IFNL3: variants seen among roughly 807,000 people sequenced by gnomAD.
The protein encoded by IFNL3 is interferon lambda-3.
Under a neutral mutation model 16.3 loss-of-function variants are expected in IFNL3, and 16 were observed. The ratio of observed to expected loss-of-function variants is 0.98; its 90% CI spans 0.67 to 1.50. IFNL3 has a LOEUF of 1.50. Ranked by LOEUF, IFNL3 falls within the 40% of genes most tolerant of loss-of-function variation. IFNL3 has a pLI of 0.00. For missense variants in IFNL3, 254 were observed against 253.5 expected (o/e 1.00, Z -0.01); for synonymous variants, 115 against 115.3 (o/e 1.00, Z 0.02).
In IFNL3 at chr19:39,244,877, G is replaced by C; in HGVS notation, c.91C>G (p.Leu31Val). ...ATGTGGCAGCCCCTTGCATCCGGGA[G>C]AGCCCCGCGGAGCCTGGCGACAGGA... The part of the protein sequence containing the change: ...AVPVARLRGA[L>V]PDARGCHIAQ... The change falls in exon 1 of 5, where the codon CTC becomes GTC. Residue 31 changes from leucine to valine, a missense_variant. Leu to Val is a conservative substitution (Grantham distance 32). Coordinates refer to ENST00000413851, the MANE Select transcript of IFNL3 (RefSeq NM_172139.4). 3.7e-6 allele frequency: 6 copies of C among 1,613,990 alleles called. No homozygotes were observed. Among genetic ancestry groups the C allele is most frequent in the Non-Finnish European group, 5.1e-6 (6 of 1,179,864 alleles).
Position 39,244,819 on chromosome 19 carries a change from A to G in IFNL3, c.149T>C (p.Leu50Pro). 1 of 1,613,850 alleles carries G rather than the reference A, an allele frequency of 6.2e-7. No individual in the cohort carries two copies. Among genetic ancestry groups the G allele is most frequent in the Non-Finnish European group, 8.5e-7 (1 of 1,179,804 alleles). ...ATCTTTGGCCCTCTTAAAGGCCTGC[A>G]GCTCCTGTGGAGACAGGGACTTGAA... The part of the protein sequence containing the change: ...AQFKSLSPQE[L>P]QAFKRAKDAL... Residue 50 changes from leucine to proline, a missense_variant, in exon 1 of 5, where the codon CTG becomes CCG. Physicochemically the swap from Leu to Pro is moderately conservative, Grantham distance 98 (BLOSUM62 -3). Coordinates refer to ENST00000413851, the MANE Select transcript of IFNL3 (RefSeq NM_172139.4).
upstream of IFNL3, chr19:39,245,084 T>C: frequency 1.9e-6 from 3 of 1,606,338 alleles, no homozygotes; most frequent in Non-Finnish European, 2.6e-6. Flanking sequence ...TCATTCCTGA[T>C]CTCTGGTCTT....
intron 2 of IFNL3, 61 bp from the exon 3 acceptor site, chr19:39,244,218 A>G (rs1600453033): frequency 8.1e-6 from 13 of 1,596,844 alleles, no homozygotes; most frequent in Non-Finnish European, 1.1e-5. Flanking sequence ...TTGGGGGAGG[A>G]GGATAGAGAG....
At chr19:39,244,312 G>T (rs1181872016) in intron 2 of IFNL3, 105 bp downstream of exon 2, 17 of 1,483,158 alleles carry the variant, frequency 1.1e-5, no homozygotes, top group African/African-American at 1.4e-5. Context: ...AGCAGGTGTG[G>T]GGAGAGGAGA....
In IFNL3 at chr19:39,244,138, G is replaced by A. The variant is rs1220842899; in HGVS notation, c.278C>T (p.Ala93Val). 2 of 1,614,100 alleles carry A rather than the reference G, an allele frequency of 1.2e-6. No homozygotes were observed. Among genetic ancestry groups the A allele is most frequent in the African/African-American group, 2.7e-5 (2 of 74,930 alleles). The change falls in exon 3 of 5, where the codon GCT (alanine) becomes GTT (valine). Residue 93 changes from alanine (A) to valine (V), a missense_variant. Ala to Val is a moderately conservative substitution (Grantham distance 64). Coordinates refer to ENST00000413851, the MANE Select transcript of IFNL3 (RefSeq NM_172139.4). ...RQLQVRERPV[A>V]LEAELALTLK... ...CGTCAGGGCCAGCTCAGCCTCCAAA[G>A]CCACGGGGCGCTCCCTCACCTGAGG... is the stretch of plus-strand genomic sequence containing the variant.
In IFNL3 at chr19:39,244,960, C is replaced by T. The variant is rs1426813861; in HGVS notation, c.8G>A (p.Gly3Glu). The change falls in exon 1 of 5, where the codon GGG becomes GAG. Residue 3 changes from glycine to glutamate, a missense_variant. By Grantham distance (98) the Gly-to-Glu change is moderately conservative. Transcript: ENST00000413851. ...CAGCACCAGCACTGGCATGCAGTCC[C>T]CGGTCATGTCTGTGTCACAGAGAGA... MT[G>E]DCMPVLVLMA... 1 of 1,613,846 alleles carries T rather than the reference C, an allele frequency of 6.2e-7. No homozygotes were observed. The highest frequency in any genetic ancestry group is 8.5e-7 in the Non-Finnish European group (1 of 1,179,868).
Position 39,243,571 on chromosome 19 carries a change from T to C in IFNL3, c.*61A>G. On this transcript the variant is annotated 3_prime_UTR_variant, in exon 5 of 5. Transcript: ENST00000413851. ...TACATAAATAGCGACTGGGTGACAA[T>C]AAATTAAGCCAAGTGGCTAATTTAT... The C allele has an allele frequency of 7.2e-6, 11 of 1,521,958 alleles. No homozygotes were observed. The highest frequency in any genetic ancestry group is 9.8e-6 in the Non-Finnish European group (11 of 1,121,434). 94.3% of individuals were successfully genotyped at this position (1,521,958 alleles called of 1,614,324 possible). A position where few individuals can be genotyped will look rare whatever the true frequency, so the allele number is the denominator to read the frequency against.
chr19:39,244,114 G>C lies in IFNL3; in HGVS notation c.302C>G (p.Thr101Arg). The C allele has an allele frequency of 6.2e-7, 1 of 1,614,190 alleles. No individual in the cohort carries two copies. Among genetic ancestry groups the C allele is most frequent in the East Asian group, 2.2e-5 (1 of 44,872 alleles). Residue 101 changes from threonine (T) to arginine (R), a missense_variant, in exon 3 of 5, where the codon ACG becomes AGG. Physicochemically the swap from Thr to Arg is moderately conservative, Grantham distance 71. Transcript: ENST00000413851. ...PVALEAELAL[T>R]LKVLEATADT... ...AGCGGTGGCCTCCAGAACCTTCAGC[G>C]TCAGGGCCAGCTCAGCCTCCAAAGC... is the stretch of plus-strand genomic sequence containing the variant.
Position 39,244,461 on chromosome 19 carries a change from G to C in IFNL3, c.214C>G (p.Arg72Gly). The change falls in exon 2 of 5, where the codon CGC (arginine) becomes GGC (glycine). Residue 72 changes from arginine (R) to glycine (G), a missense_variant. Transcript: ENST00000413851. ...ESLLLKDCKC[R>G]SRLFPRTWDL... ...CAGGTCCTGGGGAAGAGGCGGGAGC[G>C]GCACTTGCAGTCCTTCAGCAGAAGC... is the stretch of plus-strand genomic sequence containing the variant. 6.2e-7 allele frequency: 1 copy of C among 1,610,936 alleles called. No homozygotes were observed. The highest frequency in any genetic ancestry group is 1.7e-5 in the Admixed American group (1 of 59,454).
In IFNL3 at chr19:39,244,812, G is replaced by A; in HGVS notation, c.156C>T (p.Ala52=). ...FKSLSPQELQ[A]FKRAKDALEE... ...CTAAGGCATCTTTGGCCCTCTTAAAGGCCTGCAGCTCCTGTGGAGACAGGG... is the reference window on the plus strand; with the variant it reads ...CTAAGGCATCTTTGGCCCTCTTAAAAGCCTGCAGCTCCTGTGGAGACAGGG... Residue 52 remains alanine (A), a synonymous_variant, in exon 1 of 5, where the codon GCC becomes GCT. Coordinates refer to ENST00000413851, the MANE Select transcript of IFNL3 (RefSeq NM_172139.4). 6.2e-7 allele frequency: 1 copy of A among 1,613,726 alleles called. No homozygotes were observed. The highest frequency in any genetic ancestry group is 8.5e-7 in the Non-Finnish European group (1 of 1,179,746).
rs2144969495 is a variant in IFNL3, at chr19:39,244,163, G to A, written c.259-6C>T. 6.2e-7 allele frequency: 1 copy of A among 1,614,156 alleles called. No homozygotes were observed. Among genetic ancestry groups the A allele is most frequent in the Non-Finnish European group, 8.5e-7 (1 of 1,180,006 alleles). On this transcript the variant is annotated splice_region_variant and splice_polypyrimidine_tract_variant and intron_variant, in intron 2 of 4. Transcript: ENST00000413851. ...GCCACGGGGCGCTCCCTCACCTGAG[G>A]AGAGGTGAGAAAGAGCAGGTGAGGG...
rs749961151 is a variant in IFNL3 at position 39,244,010 on chromosome 19, A to T, written c.406T>A (p.Cys136Ser). ...GTGCCCGGGCCCTGACGACTCACAC[A>T]GGCCCGGAGCTGGGAGAGGATATGG... is the stretch of plus-strand genomic sequence containing the variant. ...LHHILSQLRA[C>S]IQPQPTAGPR... Residue 136 changes from cysteine to serine, a missense_variant and splice_region_variant, in exon 3 of 5, where the codon TGT becomes AGT. Physicochemically the swap from Cys to Ser is moderately radical, Grantham distance 112. Transcript: ENST00000413851. 8.1e-6 allele frequency: 13 copies of T among 1,613,522 alleles called. No individual in the cohort carries two copies. Among genetic ancestry groups the T allele is most frequent in the Non-Finnish European group, 1.1e-5 (13 of 1,179,560 alleles).
chr19:39,244,536 G>A, intron 1 of IFNL3, 42 bp from the exon 2 acceptor site: 1 of 1,575,776 alleles, frequency 6.3e-7, no homozygotes, highest in Non-Finnish European at 8.7e-7. Context: ...AGGAGGGGTG[G>A]AGGTTAGACC....
At chr19:39,244,672 C>T (rs919731434) in intron 1 of IFNL3, 116 bp downstream of exon 1, 15 of 1,403,308 alleles carry the variant, frequency 1.1e-5, no homozygotes, top group African/African-American at 2.9e-5. Flanking sequence ...TGAGATAGCC[C>T]ACTGCAGGGA....
intron 2 of IFNL3, 47 bp from the exon 3 acceptor site, chr19:39,244,204 C>A: frequency 6.2e-7 from 1 of 1,609,364 alleles, no homozygotes; most frequent in Non-Finnish European, 8.5e-7. Context: ...GTGAGGGGAA[C>A]AGGTTGGGGG....
At chr19:39,243,460 T>C, downstream of IFNL3, 1 of 813,112 alleles carries the variant, frequency 1.2e-6, no homozygotes, top group East Asian at 2.7e-5. Flanking sequence ...ATGGGTGTCT[T>C]TTCCTCATTG....
chr19:39,244,258 G>A, intron 2 of IFNL3, 101 bp from the exon 3 acceptor site: 1 of 1,542,628 alleles, frequency 6.5e-7, no homozygotes, highest in Non-Finnish European at 8.8e-7. Context: ...GCACAGGGGA[G>A]AGGGCACAGC....
Position 39,244,940 on chromosome 19 carries a change from C to A in IFNL3, c.28G>T (p.Val10Leu), listed in dbSNP as rs748387416. The A allele has an allele frequency of 2.5e-6, 4 of 1,613,900 alleles. No individual in the cohort carries two copies. Among genetic ancestry groups the A allele is most frequent in the Non-Finnish European group, 3.4e-6 (4 of 1,179,884 alleles). The change falls in exon 1 of 5, where the codon GTG becomes TTG. Residue 10 changes from valine (V) to leucine (L), a missense_variant. Coordinates refer to ENST00000413851, the MANE Select transcript of IFNL3 (RefSeq NM_172139.4). ...ACGGTCAGCACTGCGGCCATCAGCA[C>A]CAGCACTGGCATGCAGTCCCCGGTC... MTGDCMPVLVLMAAVLTVTG... is the reference protein window; with the variant it reads MTGDCMPVLLLMAAVLTVTG...
At chr19:39,244,720 G>T in intron 1 of IFNL3, 68 bp downstream of exon 1, 1 of 1,557,890 alleles carries the variant, frequency 6.4e-7, no homozygotes, top group Non-Finnish European at 8.7e-7. Context: ...CTGGGAGTGG[G>T]AAAGCATGGT....
Sources: allele counts gnomAD v4.1 joint callset, GRCh38; gene constraint gnomAD v4.1.1; transcripts MANE v1.5; gene names NCBI Gene and HGNC (gene_info 2026-07-23, HGNC 2026-07-21).